RALY: variants seen among roughly 807,000 people sequenced by gnomAD.
The protein encoded by RALY is RALY heterogeneous nuclear ribonucleoprotein, also known as RNA-binding protein Raly.
RALY carries 15 observed loss-of-function variants against 30.7 expected under a neutral mutation model. The ratio of observed to expected loss-of-function variants is 0.49; its 90% CI spans 0.33 to 0.75. The LOEUF (loss-of-function observed/expected upper bound fraction) is 0.75. Ranked by LOEUF, RALY falls within the 30% of genes least tolerant of loss-of-function variation. RALY has a pLI of 0.02. For missense variants in RALY, 339 were observed against 414.3 expected (o/e 0.82, Z 1.58); for synonymous variants, 177 against 170.8 (o/e 1.04, Z -0.28).
At chr20:34,048,862 A>G (rs1291619137) in intron 2 of RALY, among the ~76,000 whole-genome samples, 1 of 151,800 alleles carries the variant, frequency 6.6e-6, no homozygotes, top group Non-Finnish European at 1.5e-5. Flanking sequence ...TCAAAAAAAA[A>G]AAAAAAAAAT....
intron 2 of RALY, among the ~76,000 whole-genome samples, chr20:34,037,989 A>G (rs532111199): frequency 4.7e-4 from 71 of 152,304 alleles, no homozygotes; most frequent in Non-Finnish European, 8.4e-4. Context: ...TCTCCACCCA[A>G]GGATTTTGGC....
chr20:34,037,642 T>C (rs2032547156), intron 2 of RALY, among the ~76,000 whole-genome samples: 1 of 152,202 alleles, frequency 6.6e-6, no homozygotes. Context: ...TAATAGTTTC[T>C]ACCCAGCGTA....
intron 1 of RALY, among the ~76,000 whole-genome samples, chr20:33,999,790 G>A (rs2030825418): frequency 3.9e-5 from 6 of 151,982 alleles, no homozygotes; most frequent in Middle Eastern, 3.2e-3. Flanking sequence ...AGAGGGACCC[G>A]GAAGGGTTTC....
chr20:34,034,626 A>G (rs1474468712), intron 2 of RALY, among the ~76,000 whole-genome samples: 2 of 152,260 alleles, frequency 1.3e-5, no homozygotes, highest in African/African-American at 4.8e-5. Context: ...ATTTTTCCAG[A>G]GTCCAACTGA....
chr20:34,055,892 A>G (rs1344553683), intron 2 of RALY, among the ~76,000 whole-genome samples: 1 of 152,210 alleles, frequency 6.6e-6, no homozygotes, highest in Non-Finnish European at 1.5e-5. Context: ...CATGTCTAGC[A>G]ATGTGCCCAA....
At chr20:34,008,509 C>A (rs1299921673) in intron 1 of RALY, among the ~76,000 whole-genome samples, 1 of 152,220 alleles carries the variant, frequency 6.6e-6, no homozygotes, top group Non-Finnish European at 1.5e-5. Flanking sequence ...GCTGAACTTT[C>A]ATCCTCATTG....
chr20:34,066,537 A>G (rs1285945506), intron 2 of RALY, among the ~76,000 whole-genome samples: 1 of 152,098 alleles, frequency 6.6e-6, no homozygotes, highest in Non-Finnish European at 1.5e-5. Flanking sequence ...TAGAAGACAC[A>G]AAGTAGCTCT....
Position 34,081,518 on chromosome 20 carries a change from TG to T in RALY, c.*1614del, listed in dbSNP as rs2034029858. On this transcript the variant is annotated 3_prime_UTR_variant, in exon 10 of 10. Transcript: ENST00000246194. ...AGGTTTTCCCTCCATCTTTACGTGT[TG>T]ATCAAAGTTTGCAGATCTGCTGGAA... The T allele has an allele frequency of 6.6e-6, 1 of 152,208 alleles. No individual in the cohort carries two copies. The highest frequency in any genetic ancestry group is 2.4e-5 in the African/African-American group (1 of 41,434). The allele number at this position is 152,208 out of a possible 1,614,324, so 9.4% of individuals were successfully genotyped here.
chr20:34,063,910 A>G (rs1160468823), intron 2 of RALY, among the ~76,000 whole-genome samples: 1 of 151,972 alleles, frequency 6.6e-6, no homozygotes, highest in Admixed American at 6.6e-5. Flanking sequence ...GGAGTAGACC[A>G]TCTCAGGGCA....
At chr20:34,073,679 T>A (rs767642503) in intron 4 of RALY, 44 bp downstream of exon 4, 8 of 1,546,822 alleles carry the variant, frequency 5.2e-6, no homozygotes, top group Non-Finnish European at 2.7e-6. Flanking sequence ...GATGACTCTC[T>A]CTTTCCACAG....
At chr20:34,063,157 A>G (rs1367147018) in intron 2 of RALY, among the ~76,000 whole-genome samples, 2 of 152,222 alleles carry the variant, frequency 1.3e-5, no homozygotes, top group African/African-American at 4.8e-5. Flanking sequence ...TGGTCACAAC[A>G]TGTATCATCA....
At position 34,007,901 on chromosome 20, in the gene RALY, A is replaced by G. The variant is rs936974459; in HGVS notation, c.-93+13770A>G. 2.0e-4 allele frequency among the ~76,000 whole-genome samples: 31 copies of G among 151,276 alleles called. 1 individual carries two copies. Among genetic ancestry groups the G allele is most frequent in the Admixed American group, 1.8e-3 (28 of 15,176 alleles). On this transcript the variant is annotated intron_variant, in intron 1 of 9. Coordinates refer to ENST00000246194, the MANE Select transcript of RALY (RefSeq NM_016732.3). ...AGTGCCTACCATGTTATGGTGTGGT[A>G]CTAGATGGTGTGGATAATACCCATA...
chr20:34,031,937 A>G (rs1042023622), intron 2 of RALY, among the ~76,000 whole-genome samples: 9 of 152,136 alleles, frequency 5.9e-5, no homozygotes, highest in African/African-American at 2.2e-4. Context: ...TCCTCTCACA[A>G]GCTCTTTAAC....
At chr20:34,073,490 G>T in intron 3 of RALY, 73 bp from the exon 4 acceptor site, 1 of 1,356,242 alleles carries the variant, frequency 7.4e-7, no homozygotes, top group Non-Finnish European at 1.1e-6. Context: ...ATTGCTGTGC[G>T]TGTGCATGAG....
At chr20:33,998,063 TGA>T (rs1212387105) in intron 1 of RALY, among the ~76,000 whole-genome samples, 2 of 152,262 alleles carry the variant, frequency 1.3e-5, no homozygotes, top group Non-Finnish European at 2.9e-5. Context: ...GGTTACTTGT[TGA>T]GATTGTCTTT....
At chr20:34,070,372 C>T (rs2033692365) in intron 2 of RALY, among the ~76,000 whole-genome samples, 5 of 152,132 alleles carry the variant, frequency 3.3e-5, no homozygotes, top group Admixed American at 3.3e-4. Context: ...TTTCCCCTTT[C>T]CTCTTGGAGC....
chr20:34,056,087 CT>C (rs752342374), intron 2 of RALY, among the ~76,000 whole-genome samples: 9 of 150,814 alleles, frequency 6.0e-5, no homozygotes, highest in African/African-American at 2.2e-4. Context: ...ATGGCTCACT[CT>C]TCAGTGTCCA....
intron 2 of RALY, among the ~76,000 whole-genome samples, chr20:34,054,158 AGTT>A (rs967247119): frequency 4.6e-5 from 7 of 152,174 alleles, no homozygotes; most frequent in Admixed American, 1.3e-4. Flanking sequence ...ACTGTTAAGG[AGTT>A]GTTGTATCAT....
At chr20:34,077,393 G>A (rs774682208) in intron 8 of RALY, 148 bp downstream of exon 8, 242 of 1,512,258 alleles carry the variant, frequency 1.6e-4, no homozygotes, top group South Asian at 2.9e-4. Flanking sequence ...GGGGGAAAGA[G>A]GGAAGAATGA....
Sources: gnomAD v4.1 joint callset for allele counts (sites outside exome capture counted in the v4.1 genomes callset) on GRCh38, gnomAD v4.1.1 for gene constraint, MANE v1.5 for transcripts, NCBI Gene and HGNC (gene_info 2026-07-23, HGNC 2026-07-21) for gene names.